The following NHS variants were observed in gnomAD, a reference collection of about 807,000 sequenced individuals.
The protein encoded by NHS is NHS actin remodeling regulator.
Under a neutral mutation model 72.5 loss-of-function variants are expected in NHS, and 5 were observed. The observed-to-expected ratio is 0.07, with a 90% CI of 0.04 to 0.14. The LOEUF (loss-of-function observed/expected upper bound fraction) is 0.14, where lower values mean the gene tolerates loss of function less well. Ranked by LOEUF, NHS falls within the 10% of genes least tolerant of loss-of-function variation. The pLI, the probability that NHS is intolerant of heterozygous loss-of-function variation, is 1.00. For synonymous variants in NHS, 464 were observed against 547.7 expected (o/e 0.85, Z 2.13); for missense variants, 1,072 against 1,355.7 (o/e 0.79, Z 3.29).
intron 1 of NHS, among the ~76,000 whole-genome samples, chrX:17,672,505 C>T (rs751500632): frequency 3.6e-5 from 4 of 112,649 alleles, no homozygotes; most frequent in Admixed American, 9.4e-5. Context: ...GAAGAGGAAA[C>T]GGCTTTGGTG....
At chrX:17,556,976 A>G (rs2065378585) in intron 1 of NHS, among the ~76,000 whole-genome samples, 1 of 108,794 alleles carries the variant, frequency 9.2e-6, no homozygotes, top group East Asian at 2.8e-4. Context: ...AAACATGGAT[A>G]TATATATATA....
Position 17,541,767 on chromosome X carries a change from A to AACACACACACACACACACACACACACAC in NHS, c.566-145954_566-145927dup, listed in dbSNP as rs57700886. ...AGAGCCCAAGGTATCTGAGTTTGCG[A>AACACACACACACACACACACACACACAC]ACACACACACACACACACACACACA... On this transcript the variant is annotated intron_variant, in intron 1 of 8. Transcript: ENST00000676302. Among the ~76,000 whole-genome samples, 8 of 62,918 alleles carry AACACACACACACACACACACACACACAC rather than the reference A, an allele frequency of 1.3e-4. 1 individual carries two copies. The highest frequency in any genetic ancestry group is 2.2e-4 in the African/African-American group (3 of 13,518). 54.6% of individuals were successfully genotyped at this position (62,918 alleles called of 115,157 possible). A position where few individuals can be genotyped will look rare whatever the true frequency, so the allele number is the denominator to read the frequency against.
intron 1 of NHS, among the ~76,000 whole-genome samples, chrX:17,491,972 GGTGATATCCCCTTTATCATTTTTTATTGT>G (rs1303042073): frequency 9.1e-6 from 1 of 110,279 alleles, no homozygotes; most frequent in Non-Finnish European, 1.9e-5. Flanking sequence ...TGGGATCAGT[GGTGATATCCCCTTTATCATTTTTTATTGT>G]GTCTATTTGA....
At chrX:17,397,402 G>A (rs1290863901) in intron 1 of NHS, among the ~76,000 whole-genome samples, 3 of 111,753 alleles carry the variant, frequency 2.7e-5, no homozygotes, top group African/African-American at 9.8e-5. Context: ...CTTGTTCTTT[G>A]GGCACCATGA....
intron 1 of NHS, among the ~76,000 whole-genome samples, chrX:17,465,780 T>G (rs1181082492): frequency 1.8e-5 from 2 of 112,392 alleles, no homozygotes; most frequent in Non-Finnish European, 3.8e-5. Context: ...TTCATCAGTG[T>G]GTGGTTCTAC....
intron 3 of NHS, among the ~76,000 whole-genome samples, chrX:17,712,361 T>TACACAC (rs745619023): frequency 1.4e-3 from 106 of 77,078 alleles, no homozygotes; most frequent in African/African-American, 4.9e-3. Flanking sequence ...CACATTTGTA[T>TACACAC]ACACACACAC....
At chrX:17,484,235 C>G (rs1232667408) in intron 1 of NHS, among the ~76,000 whole-genome samples, 1 of 112,622 alleles carries the variant, frequency 8.9e-6, no homozygotes, top group Admixed American at 9.4e-5. Flanking sequence ...CCTCACTCCT[C>G]CAAAGGAAAG....
At chrX:17,643,276 TTTTC>T (rs746472098) in intron 1 of NHS, among the ~76,000 whole-genome samples, 5 of 111,703 alleles carry the variant, frequency 4.5e-5, no homozygotes, top group South Asian at 3.7e-4. Flanking sequence ...TTGTGTGTGT[TTTTC>T]TTTCTTTCTT....
chrX:17,603,203 T>G (rs2065661214), intron 1 of NHS, among the ~76,000 whole-genome samples: 1 of 111,637 alleles, frequency 9.0e-6, no homozygotes, highest in Non-Finnish European at 1.9e-5. Context: ...CCTTAGAACA[T>G]GAGGCTACTT....
intron 1 of NHS, among the ~76,000 whole-genome samples, chrX:17,515,176 A>G (rs1490760049): frequency 8.9e-6 from 1 of 112,231 alleles, no homozygotes; most frequent in East Asian, 2.8e-4. Context: ...ATACAGTGAA[A>G]GCTGGCCCTA....
intron 1 of NHS, among the ~76,000 whole-genome samples, chrX:17,466,666 T>C (rs1462129300): frequency 8.9e-6 from 1 of 112,208 alleles, no homozygotes; most frequent in African/African-American, 3.2e-5. Flanking sequence ...AGATCCGTTA[T>C]CTAACGCCAG....
At chrX:17,731,124 C>A (rs1286357020) in intron 8 of NHS, among the ~76,000 whole-genome samples, 1 of 108,438 alleles carries the variant, frequency 9.2e-6, no homozygotes, top group African/African-American at 3.4e-5. Context: ...GACATCAGAT[C>A]ATTTCATCTG....
chrX:17,706,019 C>G (rs1216103303), intron 3 of NHS, among the ~76,000 whole-genome samples: 1 of 110,841 alleles, frequency 9.0e-6, no homozygotes, highest in Admixed American at 9.6e-5. Flanking sequence ...CAAGACCTCA[C>G]TCTACAAAAA....
chrX:17,412,774 TGTGA>T (rs1373032531), intron 1 of NHS, among the ~76,000 whole-genome samples: 1 of 112,698 alleles, frequency 8.9e-6, no homozygotes, highest in African/African-American at 3.2e-5. Flanking sequence ...CTGACTGATG[TGTGA>T]GTCAGAAGGT....
intron 1 of NHS, among the ~76,000 whole-genome samples, chrX:17,570,899 A>G (rs1261085655): frequency 8.9e-6 from 1 of 112,022 alleles, no homozygotes; most frequent in Non-Finnish European, 1.9e-5. Context: ...AATTTTGTCG[A>G]AGGCCTTTTC....
chrX:17,669,973 A>T (rs1304207658), intron 1 of NHS, among the ~76,000 whole-genome samples: 1 of 111,974 alleles, frequency 8.9e-6, no homozygotes, highest in African/African-American at 3.2e-5. Context: ...GTTGTTGCTG[A>T]AAAGGCAGCT....
chrX:17,641,967 T>C (rs888167825), intron 1 of NHS, among the ~76,000 whole-genome samples: 1 of 110,946 alleles, frequency 9.0e-6, no homozygotes, highest in Admixed American at 9.6e-5. Context: ...GTTGTTGTTG[T>C]TGGAGTCTTG....
chrX:17,533,247 C>A (rs1485198633), intron 1 of NHS, among the ~76,000 whole-genome samples: 1 of 111,879 alleles, frequency 8.9e-6, no homozygotes, highest in Non-Finnish European at 1.9e-5. Flanking sequence ...AAGTCCTTTA[C>A]AGATTTTTCG....
intron 1 of NHS, among the ~76,000 whole-genome samples, chrX:17,629,676 CCACACATGTT>C (rs941602946): frequency 2.7e-5 from 3 of 111,798 alleles, no homozygotes; most frequent in African/African-American, 9.8e-5. Flanking sequence ...CTTTAATTTT[CCACACATGTT>C]CACACATGTA....
Sources: gnomAD v4.1 joint callset for allele counts (sites outside exome capture counted in the v4.1 genomes callset) on GRCh38, gnomAD v4.1.1 for gene constraint, MANE v1.5 for transcripts, NCBI Gene and HGNC (gene_info 2026-07-23, HGNC 2026-07-21) for gene names.